SCYL2: variants seen among roughly 807,000 people sequenced by gnomAD.
SCYL2 encodes the protein SCY1-like protein 2.
SCYL2 carries 36 observed loss-of-function variants against 100.4 expected under a neutral mutation model. The observed-to-expected ratio is 0.36, with a 90% confidence interval of 0.27 to 0.47. The LOEUF (loss-of-function observed/expected upper bound fraction) is 0.47. Among genes scored for constraint, SCYL2 ranks in the 20% least tolerant of loss-of-function variants. The probability of loss-of-function intolerance (pLI) is 1.00; values close to 1 mark genes in which losing one functional copy is unlikely to be tolerated. For missense variants in SCYL2, 902 were observed against 1,083.9 expected, an observed-to-expected ratio of 0.83 and a Z score of 2.36; for synonymous variants, 330 against 359.2, an observed-to-expected ratio of 0.92 and a Z score of 0.92.
At chr12:100,274,313 T>A (rs1460855391) in intron 1 of SCYL2, among the ~76,000 whole-genome samples, 4 of 152,234 alleles carry the variant, frequency 2.6e-5, no homozygotes, top group Non-Finnish European at 5.9e-5. Flanking sequence ...CAGCTGGAGT[T>A]TTTTTGTCAA....
rs1018377160 is a variant in SCYL2 at position 100,288,967 on chromosome 12, A to T, written c.178-2536A>T. Among the ~76,000 whole-genome samples, 4 of 151,972 alleles carry T rather than the reference A, an allele frequency of 2.6e-5. No individual in the cohort carries two copies. In the East Asian group the frequency reaches 7.7e-4, roughly 29 times the overall value. ...ACACTTTGGAGTACCCAGGCCTCCC[A>T]AAGTGCAAAGATTACAGGCGTGAGC... On this transcript the variant is annotated intron_variant, in intron 2 of 17. Transcript: ENST00000360820.
intron 2 of SCYL2, 152 bp downstream of exon 2, chr12:100,283,299 C>CAA: frequency 1.6e-6 from 1 of 609,112 alleles, no homozygotes; most frequent in South Asian, 2.4e-5. Context: ...TTAAGTCATA[C>CAA]AAAAAAACAA....
intron 2 of SCYL2, among the ~76,000 whole-genome samples, chr12:100,284,576 C>A (rs1201330500): frequency 6.6e-6 from 1 of 152,194 alleles, no homozygotes; most frequent in Non-Finnish European, 1.5e-5. Flanking sequence ...AATTCTCCCA[C>A]CTCAGCTTCC....
chr12:100,283,081 CATTGCCAGTGGTGGCAAT>C lies in SCYL2; in HGVS notation c.112_129del (p.Ile38_Asn43del). ...CTAGAGAATTTGATGTTGGTCGACA[CATTGCCAGTGGTGGCAAT>C]GGGCTAGCTTGGAAGATTTTTAATG... On this transcript the variant is annotated inframe_deletion, in exon 2 of 18. Transcript: ENST00000360820. 1 of 1,613,136 alleles carries C rather than the reference CATTGCCAGTGGTGGCAAT, an allele frequency of 6.2e-7. No homozygotes were observed.
At position 100,315,588 on chromosome 12, in the gene SCYL2, T is replaced by G; in HGVS notation, c.1126T>G (p.Leu376Val). 6.2e-7 allele frequency: 1 copy of G among 1,606,038 alleles called. No individual in the cohort carries two copies. The highest frequency in any genetic ancestry group is 8.5e-7 in the Non-Finnish European group (1 of 1,176,292). ...RVIVQRILPC[L>V]TSEFVNPDMV... ...CATTGTGCAGAGAATTTTGCCTTGTTTGACTTCAGAATTTGTAAACCCTGA... is the reference window on the plus strand; with the variant it reads ...CATTGTGCAGAGAATTTTGCCTTGTGTGACTTCAGAATTTGTAAACCCTGA... The change falls in exon 9 of 18, where the codon TTG (leucine) becomes GTG (valine). Residue 376 changes from leucine to valine, a missense_variant. Transcript: ENST00000360820.
intron 7 of SCYL2, among the ~76,000 whole-genome samples, chr12:100,313,990 C>T (rs2096345453): frequency 1.3e-5 from 2 of 151,648 alleles, no homozygotes; most frequent in Admixed American, 6.6e-5. Context: ...AAGCAATTCT[C>T]ATGCCTCAGC....
At chr12:100,322,510 A>G (rs951313645) in intron 10 of SCYL2, among the ~76,000 whole-genome samples, 2 of 152,046 alleles carry the variant, frequency 1.3e-5, no homozygotes, top group Non-Finnish European at 2.9e-5. Context: ...TAATCTTAGC[A>G]CTTTGAGAGG....
Position 100,339,041 on chromosome 12 carries a change from A to G in SCYL2, c.2659A>G (p.Asn887Asp), listed in dbSNP as rs752231764. ...MGSSVMGTQM[N>D]VIGQSAFGMQ... The stretch of plus-strand genomic sequence containing the variant: ...CAGTTCAGTAATGGGGACACAGATG[A>G]ACGTGATAGGACAATCTGCTTTTGG... Residue 887 changes from asparagine (N) to aspartate (D), a missense_variant, in exon 18 of 18, where the codon AAC becomes GAC. By Grantham distance (23) the Asn-to-Asp change is conservative. Coordinates refer to ENST00000360820, the MANE Select transcript of SCYL2 (RefSeq NM_017988.6). 3 of 1,614,172 alleles carry G rather than the reference A, an allele frequency of 1.9e-6. No individual in the cohort carries two copies. The highest frequency in any genetic ancestry group is 2.5e-6 in the Non-Finnish European group (3 of 1,179,986).
At chr12:100,320,927 G>C (rs1040096437) in intron 10 of SCYL2, among the ~76,000 whole-genome samples, 11 of 152,002 alleles carry the variant, frequency 7.2e-5, no homozygotes, top group African/African-American at 2.7e-4. Context: ...ATATATTTTT[G>C]AGACAGGCTT....
In SCYL2 at chr12:100,313,455, A is replaced by G; in HGVS notation, c.886A>G (p.Ile296Val). The G allele has an allele frequency of 1.2e-6, 2 of 1,605,478 alleles. No homozygotes were observed. The highest frequency in any genetic ancestry group is 2.2e-5 in the South Asian group (2 of 90,720). The stretch of plus-strand genomic sequence containing the variant: ...TTTAGGATCTAGTTCACTTACAAAT[A>G]TACCTGAGGAAGTTCGTGAACATGT... Reference protein sequence around the residue: ...SRLGSSSLTNIPEEVREHVKL... With the variant: ...SRLGSSSLTNVPEEVREHVKL... Residue 296 changes from isoleucine to valine, a missense_variant, in exon 7 of 18, where the codon ATA becomes GTA. By Grantham distance (29) the Ile-to-Val change is conservative (BLOSUM62 3). Transcript: ENST00000360820.
At chr12:100,311,433 GT>G (rs34911042) in intron 5 of SCYL2, among the ~76,000 whole-genome samples, 99 of 147,152 alleles carry the variant, frequency 6.7e-4, no homozygotes, top group African/African-American at 1.4e-3. Flanking sequence ...ATTAAATAGG[GT>G]TTTTTTTTTT....
intron 12 of SCYL2, among the ~76,000 whole-genome samples, chr12:100,328,484 A>C (rs1020840325): frequency 3.0e-4 from 45 of 152,232 alleles, no homozygotes; most frequent in African/African-American, 1.1e-3. Flanking sequence ...AGCATTTAGT[A>C]GGTGCCCAAT....
At chr12:100,323,032 A>G (rs2096357890) in intron 10 of SCYL2, among the ~76,000 whole-genome samples, 1 of 147,712 alleles carries the variant, frequency 6.8e-6, no homozygotes, top group Non-Finnish European at 1.5e-5. Flanking sequence ...TGTCTCAAGA[A>G]AAAAAAAAAA....
chr12:100,281,256 T>G (rs980737060), intron 1 of SCYL2, among the ~76,000 whole-genome samples: 10 of 152,072 alleles, frequency 6.6e-5, no homozygotes, highest in Admixed American at 5.9e-4. Context: ...CTTGAACTCG[T>G]GAGCTCAAGT....
chr12:100,311,338 A>C (rs1294823066), intron 5 of SCYL2, 145 bp downstream of exon 5: 6 of 655,828 alleles, frequency 9.1e-6, no homozygotes, highest in Admixed American at 8.4e-5. Context: ...TGCACTTAAG[A>C]GTATTCTTCG....
chr12:100,270,696 A>G (rs977569381), intron 1 of SCYL2, among the ~76,000 whole-genome samples: 1 of 150,736 alleles, frequency 6.6e-6, no homozygotes, highest in Non-Finnish European at 1.5e-5. Flanking sequence ...GCTGGTCTCG[A>G]ACTCCTGAGC....
intron 1 of SCYL2, among the ~76,000 whole-genome samples, chr12:100,269,278 A>G (rs1374039225): frequency 6.6e-6 from 1 of 151,780 alleles, no homozygotes. Context: ...TGCTTCAAGT[A>G]TGTGGCTTTG....
At chr12:100,270,623 C>CTTTTTTTTTTTTTTTTTTT in intron 1 of SCYL2, among the ~76,000 whole-genome samples, 1 of 125,706 alleles carries the variant, frequency 8.0e-6, no homozygotes, top group Non-Finnish European at 1.7e-5. Context: ...ATGTTGCTTT[C>CTTTTTTTTTTTTTTTTTTT]TTTTTTTTTT....
chr12:100,340,412 A>G lies in SCYL2; in HGVS notation c.*1240A>G, dbSNP rs1407911985. The G allele has an allele frequency of 2.0e-5, 3 of 152,120 alleles. No homozygotes were observed. The highest frequency in any genetic ancestry group is 1.5e-5 in the Non-Finnish European group (1 of 67,954). 9.4% of individuals were successfully genotyped at this position (152,120 alleles called of 1,614,324 possible). A position where few individuals can be genotyped will look rare whatever the true frequency, so the allele number is the denominator to read the frequency against. On this transcript the variant is annotated 3_prime_UTR_variant, in exon 18 of 18. Coordinates refer to ENST00000360820, the MANE Select transcript of SCYL2 (RefSeq NM_017988.6). ...GCCTTATGCTATAAATGTCATTTGTATTTTAAAAAATAATATTCCACTCAT... is the reference window on the plus strand; with the variant it reads ...GCCTTATGCTATAAATGTCATTTGTGTTTTAAAAAATAATATTCCACTCAT...
Sources: allele counts gnomAD v4.1 joint callset (sites outside exome capture counted in the v4.1 genomes callset), GRCh38; gene constraint gnomAD v4.1.1; transcripts MANE v1.5; gene names NCBI Gene and HGNC (gene_info 2026-07-23, HGNC 2026-07-21).